STT3B: variants seen among roughly 807,000 people sequenced by gnomAD.
The protein encoded by STT3B is dolichyl-diphosphooligosaccharide--protein glycosyltransferase subunit STT3B.
Under a neutral mutation model 96.8 loss-of-function variants are expected in STT3B, and 29 were observed. That is an observed-to-expected ratio of 0.30 (90% CI 0.22 to 0.41). STT3B has a LOEUF of 0.41. Among genes scored for constraint, STT3B ranks in the 10% least tolerant of loss-of-function variants. STT3B has a pLI of 1.00. For missense variants in STT3B, 640 were observed against 1,022.3 expected, an observed-to-expected ratio of 0.63 and a Z score of 5.10; for synonymous variants, 367 against 360.0, an observed-to-expected ratio of 1.02 and a Z score of -0.22.
intron 11 of STT3B, 128 bp downstream of exon 11, chr3:31,623,989 T>C: frequency 1.2e-6 from 1 of 826,452 alleles, no homozygotes; most frequent in Non-Finnish European, 1.8e-6. Flanking sequence ...AATTTTTTAT[T>C]TTAATTTTGG....
chr3:31,554,246 G>C (rs1323501073), intron 1 of STT3B, among the ~76,000 whole-genome samples: 1 of 152,160 alleles, frequency 6.6e-6, no homozygotes, highest in South Asian at 2.1e-4. Context: ...TATTAATCTT[G>C]TTTTCTTGTG....
intron 1 of STT3B, among the ~76,000 whole-genome samples, chr3:31,563,755 G>T (rs1575415896): frequency 6.6e-6 from 1 of 152,194 alleles, no homozygotes; most frequent in East Asian, 1.9e-4. Context: ...ATAGTGTTAG[G>T]ATAGAGCCAG....
chr3:31,571,247 A>G (rs1348521888), intron 1 of STT3B, among the ~76,000 whole-genome samples: 3 of 151,230 alleles, frequency 2.0e-5, no homozygotes, highest in African/African-American at 4.9e-5. Context: ...TTAAGGGGGG[A>G]AAAGGGAGAA....
chr3:31,571,583 C>T (rs1356032417), intron 1 of STT3B, among the ~76,000 whole-genome samples: 1 of 152,014 alleles, frequency 6.6e-6, no homozygotes. Context: ...TCATGGCAGC[C>T]AACACATAGA....
chr3:31,622,337 T>C (rs1328502458), intron 10 of STT3B, 29 bp downstream of exon 10: 1 of 1,566,874 alleles, frequency 6.4e-7, no homozygotes, highest in Middle Eastern at 1.7e-4. Flanking sequence ...GGCCTTTAAA[T>C]TGTCTATGTC....
rs1324516716 is a variant in STT3B, at chr3:31,585,561, GTTTTGTTTTGTT to G, written c.711+5480_711+5491del. Among the ~76,000 whole-genome samples the G allele has an allele frequency of 7.0e-5, 10 of 143,842 alleles. No individual in the cohort carries two copies. In the East Asian group the frequency reaches 7.9e-4, roughly 11 times the overall value. The allele number at this position is 143,842 out of a possible 152,430, so 94.4% of individuals were successfully genotyped here. ...TATCATATTGCCTCTTACAGGTTTTGTTTTGTTTTGTTTTTTGTTTTGTTTTGTTTTGTTTCT... is the reference window on the plus strand; with the variant it reads ...TATCATATTGCCTCTTACAGGTTTTGTTTTGTTTTGTTTTGTTTTGTTTCT... On this transcript the variant is annotated intron_variant, in intron 3 of 15. Transcript: ENST00000295770.
intron 3 of STT3B, among the ~76,000 whole-genome samples, chr3:31,588,925 A>G (rs1219033590): frequency 6.6e-6 from 1 of 151,486 alleles, no homozygotes; most frequent in East Asian, 2.0e-4. Flanking sequence ...CAGGTGTAGT[A>G]TCAGTCTTGT....
At chr3:31,619,346 C>G (rs1575444555) in intron 8 of STT3B, among the ~76,000 whole-genome samples, 1 of 152,286 alleles carries the variant, frequency 6.6e-6, no homozygotes, top group East Asian at 1.9e-4. Flanking sequence ...GGTAATGAGA[C>G]TCGTTGATGC....
intron 1 of STT3B, among the ~76,000 whole-genome samples, chr3:31,545,021 A>G (rs1346842970): frequency 6.6e-6 from 1 of 152,190 alleles, no homozygotes; most frequent in Non-Finnish European, 1.5e-5. Context: ...TGCAATCCCA[A>G]GATGATTTTT....
chr3:31,617,590 C>G (rs749103065), intron 7 of STT3B, among the ~76,000 whole-genome samples: 1 of 151,966 alleles, frequency 6.6e-6, no homozygotes, highest in Non-Finnish European at 1.5e-5. Context: ...TAGAAACTCC[C>G]TTTCCCCTGC....
chr3:31,553,255 A>G (rs1697615616), intron 1 of STT3B, among the ~76,000 whole-genome samples: 1 of 152,212 alleles, frequency 6.6e-6, no homozygotes, highest in African/African-American at 2.4e-5. Context: ...GGAATTGCTA[A>G]GTATTCACCC....
intron 1 of STT3B, among the ~76,000 whole-genome samples, chr3:31,555,587 T>A (rs1270432530): frequency 6.6e-6 from 1 of 152,124 alleles, no homozygotes; most frequent in Admixed American, 6.5e-5. Flanking sequence ...TCATAGGCCC[T>A]TATTACTTAA....
intron 7 of STT3B, among the ~76,000 whole-genome samples, 197 bp from the exon 8 acceptor site, chr3:31,617,743 A>G (rs1334871538): frequency 6.6e-6 from 1 of 151,926 alleles, no homozygotes; most frequent in Admixed American, 6.6e-5. Context: ...TTCTCCATGG[A>G]TATTGTTTTT....
In STT3B at chr3:31,623,656, T is replaced by G; in HGVS notation, c.1540-18T>G. 1 of 1,566,888 alleles carries G rather than the reference T, an allele frequency of 6.4e-7. No homozygotes were observed. Among genetic ancestry groups the G allele is most frequent in the Non-Finnish European group, 8.7e-7 (1 of 1,152,960 alleles). On this transcript the variant is annotated intron_variant, in intron 10 of 15. Transcript: ENST00000295770. ...TCAAATAATGAATTTGTCTAACCAATTTTTTTAATATCTTTAGGCAGGTAA... is the reference window on the plus strand; with the variant it reads ...TCAAATAATGAATTTGTCTAACCAAGTTTTTTAATATCTTTAGGCAGGTAA...
intron 1 of STT3B, among the ~76,000 whole-genome samples, chr3:31,549,640 A>G (rs1427860836): frequency 6.6e-6 from 1 of 152,178 alleles, no homozygotes; most frequent in Non-Finnish European, 1.5e-5. Flanking sequence ...ATGTATTTCT[A>G]TATCTAATAA....
intron 3 of STT3B, among the ~76,000 whole-genome samples, chr3:31,586,315 TTG>T (rs1291901887): frequency 2.2e-5 from 1 of 44,760 alleles, no homozygotes; most frequent in Non-Finnish European, 5.1e-5. Context: ...TGAGAGTTCT[TTG>T]TATATTTTGG....
chr3:31,625,640 C>T (rs1699519982), intron 12 of STT3B, among the ~76,000 whole-genome samples: 1 of 152,142 alleles, frequency 6.6e-6, no homozygotes, highest in African/African-American at 2.4e-5. Flanking sequence ...ACTGGCCAGC[C>T]CTGGCCTGCG....
intron 3 of STT3B, among the ~76,000 whole-genome samples, chr3:31,592,478 C>T (rs1698688473): frequency 6.6e-6 from 1 of 152,042 alleles, no homozygotes. Flanking sequence ...GGTCATATGT[C>T]AATTCTATTT....
At chr3:31,610,299 G>A (rs972519110) in intron 5 of STT3B, among the ~76,000 whole-genome samples, 5 of 152,262 alleles carry the variant, frequency 3.3e-5, no homozygotes, top group South Asian at 2.1e-4. Context: ...TACCCGTTGT[G>A]TGTGTTTTGG....
Sources: allele counts gnomAD v4.1 joint callset (sites outside exome capture counted in the v4.1 genomes callset), GRCh38; gene constraint gnomAD v4.1.1; transcripts MANE v1.5; gene names NCBI Gene and HGNC (gene_info 2026-07-23, HGNC 2026-07-21).